Variants in CPQ observed in about 807,000 individuals in gnomAD.
CPQ encodes the protein Ser-Met dipeptidase.
A neutral mutation model predicts 45.7 loss-of-function variants in CPQ; 37 were observed. The ratio of observed to expected loss-of-function variants is 0.81; its 90% CI spans 0.62 to 1.07. CPQ has a LOEUF of 1.07. Among genes scored for constraint, CPQ ranks in the 50% least tolerant of loss-of-function variants. The pLI is 0.00. For missense variants in CPQ, 537 were observed against 572.9 expected (o/e 0.94, Z 0.64); for synonymous variants, 186 against 205.8 (o/e 0.90, Z 0.82).
Position 96,670,310 on chromosome 8 carries a change from A to AT in CPQ, c.-35+24935dup, listed in dbSNP as rs76070257. ...AGGAACATGTGTATGGAGTGACTCA[A>AT]TTTTTTTTTTTTTTTTTTTTTTTTT... On this transcript the variant is annotated intron_variant, in intron 1 of 7. Coordinates refer to ENST00000220763, the MANE Select transcript of CPQ (RefSeq NM_016134.4). Among the ~76,000 whole-genome samples the AT allele has an allele frequency of 7.5e-3, 1,078 of 144,006 alleles. 23 individuals are homozygous for AT. Among genetic ancestry groups the AT allele is most frequent in the African/African-American group, 0.02 (735 of 37,548 alleles). 94.5% of individuals were successfully genotyped at this position (144,006 alleles called of 152,430 possible).
chr8:96,713,445 T>C (rs1460416996), intron 1 of CPQ, among the ~76,000 whole-genome samples: 1 of 152,228 alleles, frequency 6.6e-6, no homozygotes, highest in Non-Finnish European at 1.5e-5. Context: ...AGAGATTTAA[T>C]TGAGTCACAG....
chr8:97,111,430 G>A (rs1322822896), intron 7 of CPQ, among the ~76,000 whole-genome samples: 1 of 152,188 alleles, frequency 6.6e-6, no homozygotes, highest in African/African-American at 2.4e-5. Context: ...AGAGGAATCT[G>A]AGAACAGAAG....
At chr8:96,836,313 G>A (rs1811529992) in intron 3 of CPQ, among the ~76,000 whole-genome samples, 1 of 152,226 alleles carries the variant, frequency 6.6e-6, no homozygotes, top group Non-Finnish European at 1.5e-5. Context: ...TCCAGTCAGA[G>A]GAAAGTTGTA....
rs192887020 is a variant in CPQ at position 96,902,253 on chromosome 8, G to A, written c.849+22248G>A. Among the ~76,000 whole-genome samples the A allele has an allele frequency of 2.1e-3, 318 of 152,240 alleles. 1 individual carries two copies. Among genetic ancestry groups the A allele is most frequent in the African/African-American group, 6.8e-3 (282 of 41,540 alleles). On this transcript the variant is annotated intron_variant, in intron 4 of 7. Transcript: ENST00000220763. ...ATACATGATTTTATATATGTAAGTC[G>A]TAATTTAATTCTCACAGAAATATTG...
At chr8:97,001,721 CTTTTTT>C (rs61282246) in intron 5 of CPQ, among the ~76,000 whole-genome samples, 74 of 92,068 alleles carry the variant, frequency 8.0e-4, no homozygotes, top group African/African-American at 2.8e-3. Flanking sequence ...TTCTTTCTTT[CTTTTTT>C]TTTTTTTTTT....
chr8:97,053,981 C>G (rs550890933), intron 6 of CPQ, among the ~76,000 whole-genome samples: 4 of 151,392 alleles, frequency 2.6e-5, no homozygotes, highest in Non-Finnish European at 5.9e-5. Context: ...GGGGCCCAAA[C>G]AACTGAAATG....
intron 4 of CPQ, among the ~76,000 whole-genome samples, chr8:96,925,385 G>C (rs1812858994): frequency 6.8e-6 from 1 of 146,766 alleles, no homozygotes; most frequent in African/African-American, 2.6e-5. Context: ...TCAGGCCTCT[G>C]CTTTTTTTTT....
intron 1 of CPQ, among the ~76,000 whole-genome samples, chr8:96,710,287 T>C (rs1457393266): frequency 6.6e-6 from 1 of 152,084 alleles, no homozygotes. Flanking sequence ...TCTTCTGTTT[T>C]GTTTATATTT....
chr8:96,988,726 A>T (rs1166839033), intron 5 of CPQ, among the ~76,000 whole-genome samples: 1 of 152,186 alleles, frequency 6.6e-6, no homozygotes, highest in African/African-American at 2.4e-5. Context: ...AAAAGCAGAG[A>T]CTTGCTAAGG....
chr8:96,916,795 C>T (rs547092875), intron 4 of CPQ, among the ~76,000 whole-genome samples: 2 of 151,882 alleles, frequency 1.3e-5, no homozygotes, highest in African/African-American at 4.8e-5. Context: ...TTTTTGATGG[C>T]CTTTACAGTT....
chr8:96,760,121 A>T (rs901682191), intron 1 of CPQ, among the ~76,000 whole-genome samples: 1 of 152,216 alleles, frequency 6.6e-6, no homozygotes, highest in Non-Finnish European at 1.5e-5. Flanking sequence ...AGCATAGCTC[A>T]TAAAGGCTGT....
rs561948529 is a variant in CPQ, at chr8:96,742,166, G to T, written c.-34-42698G>T. On this transcript the variant is annotated intron_variant, in intron 1 of 7. Coordinates refer to ENST00000220763, the MANE Select transcript of CPQ (RefSeq NM_016134.4). ...TTATGAATCTGGGTGCTCCTGTATT[G>T]GGTGCATATATATTTAGGATAGTTA... 1.4e-3 allele frequency among the ~76,000 whole-genome samples: 210 copies of T among 150,810 alleles called. 3 individuals are homozygous for T. The highest frequency in any genetic ancestry group is 0.011 in the Admixed American group (162 of 15,140).
rs190872676 is a variant in CPQ at position 96,791,685 on chromosome 8, G to T, written c.433+6355G>T. 2.3e-3 allele frequency among the ~76,000 whole-genome samples: 348 copies of T among 152,326 alleles called. 4 individuals carry two copies. The highest frequency in any genetic ancestry group is 8.2e-3 in the African/African-American group (340 of 41,576). On this transcript the variant is annotated intron_variant, in intron 2 of 7. Transcript: ENST00000220763. The stretch of plus-strand genomic sequence containing the variant: ...GTTAGGCTGGACCAGGTGTGGAAAA[G>T]TCCCACAGGAGACAGTGTAAAGTTG...
chr8:96,917,297 A>G (rs1404839535), intron 4 of CPQ, among the ~76,000 whole-genome samples: 3 of 152,164 alleles, frequency 2.0e-5, no homozygotes, highest in Non-Finnish European at 4.4e-5. Context: ...ATGTAGATAC[A>G]TGAATACTTA....
intron 1 of CPQ, among the ~76,000 whole-genome samples, chr8:96,744,806 T>A (rs901286684): frequency 1.3e-5 from 2 of 152,330 alleles, no homozygotes; most frequent in East Asian, 3.9e-4. Context: ...CTAGGCAGTT[T>A]ACATTGATCA....
At chr8:96,816,471 C>A (rs1004460945) in intron 2 of CPQ, among the ~76,000 whole-genome samples, 1 of 152,132 alleles carries the variant, frequency 6.6e-6, no homozygotes, top group Non-Finnish European at 1.5e-5. Context: ...GGGTTGGAAT[C>A]AACTTCTTCC....
intron 3 of CPQ, among the ~76,000 whole-genome samples, chr8:96,851,541 C>T (rs1811771187): frequency 6.6e-6 from 1 of 152,156 alleles, no homozygotes; most frequent in African/African-American, 2.4e-5. Flanking sequence ...AACGCTGTGT[C>T]CTCACATGTG....
chr8:96,823,024 C>T (rs540548012), intron 2 of CPQ, among the ~76,000 whole-genome samples: 1 of 152,138 alleles, frequency 6.6e-6, no homozygotes, highest in African/African-American at 2.4e-5. Context: ...AACCCAGATT[C>T]CACTGTCCAG....
At chr8:96,784,179 GTTA>G (rs919409400) in intron 1 of CPQ, among the ~76,000 whole-genome samples, 6 of 152,000 alleles carry the variant, frequency 3.9e-5, no homozygotes, top group African/African-American at 1.2e-4. Context: ...TCCTGTTATT[GTTA>G]TTATTATTTA....
Sources: allele counts gnomAD v4.1 joint callset (sites outside exome capture counted in the v4.1 genomes callset), GRCh38; gene constraint gnomAD v4.1.1; transcripts MANE v1.5; gene names NCBI Gene and HGNC (gene_info 2026-07-23, HGNC 2026-07-21).